DNAH12: variants seen among roughly 807,000 people sequenced by gnomAD.
The protein encoded by DNAH12 is dynein axonemal heavy chain 12.
In DNAH12, 285 loss-of-function variants were observed where a neutral mutation model predicts 371.5. That is an observed-to-expected ratio of 0.77 (90% confidence interval 0.70 to 0.85). The LOEUF is 0.85. Ranked by LOEUF, DNAH12 falls within the 40% of genes least tolerant of loss-of-function variation. The probability of loss-of-function intolerance (pLI) is 0.00; values close to 1 mark genes in which losing one functional copy is unlikely to be tolerated. For synonymous variants in DNAH12, 1,200 were observed against 1,213.0 expected (o/e 0.99, Z 0.22); for missense variants, 3,611 against 3,689.4 (o/e 0.98, Z 0.55).
intron 4 of DNAH12, among the ~76,000 whole-genome samples, chr3:57,515,304 G>A (rs6768058): frequency 0.61 from 92,600 of 151,892 alleles, 29,122 homozygotes; most frequent in South Asian, 0.68. Context: ...GGCTAGAATA[G>A]AAAAAGTATA....
chr3:57,472,355 TACCAG>T (rs2066390776), intron 14 of DNAH12, among the ~76,000 whole-genome samples, 186 bp downstream of exon 14: 1 of 152,178 alleles, frequency 6.6e-6, no homozygotes, highest in African/African-American at 2.4e-5. Context: ...CCCCACTACT[TACCAG>T]ACCTTGTGAG....
At chr3:57,470,133 A>G (rs1413890410) in intron 16 of DNAH12, among the ~76,000 whole-genome samples, 1 of 152,128 alleles carries the variant, frequency 6.6e-6, no homozygotes, top group East Asian at 1.9e-4. Flanking sequence ...TATTATATAT[A>G]TATATTTTTC....
intron 50 of DNAH12, among the ~76,000 whole-genome samples, chr3:57,381,600 C>A (rs954099088): frequency 3.9e-5 from 6 of 151,998 alleles, no homozygotes; most frequent in Non-Finnish European, 7.4e-5. Flanking sequence ...TGAGTACCAT[C>A]TTTTTTTAAT....
At chr3:57,527,691 G>T (rs1274453128) in intron 2 of DNAH12, among the ~76,000 whole-genome samples, 4 of 152,150 alleles carry the variant, frequency 2.6e-5, no homozygotes, top group African/African-American at 4.8e-5. Flanking sequence ...CTCCAATACT[G>T]AGGAATACAA....
At chr3:57,543,752 A>G (rs539809337) in intron 1 of DNAH12, among the ~76,000 whole-genome samples, 5 of 151,528 alleles carry the variant, frequency 3.3e-5, no homozygotes, top group African/African-American at 1.2e-4. Context: ...AAATGCTCAA[A>G]AATTTTACTG....
At chr3:57,327,382 A>C (rs1041684928) in intron 62 of DNAH12, among the ~76,000 whole-genome samples, 1 of 152,086 alleles carries the variant, frequency 6.6e-6, no homozygotes, top group Non-Finnish European at 1.5e-5. Context: ...GTGCAATCAA[A>C]CTAGAACTCA....
intron 55 of DNAH12, among the ~76,000 whole-genome samples, chr3:57,372,552 A>G (rs1201638685): frequency 1.3e-5 from 2 of 152,128 alleles, no homozygotes; most frequent in African/African-American, 2.4e-5. Context: ...AGTGAAATAT[A>G]TAACAGCACA....
chr3:57,514,423 A>C (rs1468388823), intron 4 of DNAH12, among the ~76,000 whole-genome samples: 1 of 151,664 alleles, frequency 6.6e-6, no homozygotes, highest in Non-Finnish European at 1.5e-5. Context: ...ATAAATAAAC[A>C]AAAAAAAGCA....
chr3:57,512,935 A>C (rs2068050655), intron 4 of DNAH12, among the ~76,000 whole-genome samples: 1 of 152,028 alleles, frequency 6.6e-6, no homozygotes, highest in African/African-American at 2.4e-5. Context: ...TCAGGAGTTC[A>C]AGACCAGCCT....
chr3:57,538,104 T>A (rs10866009), intron 2 of DNAH12, among the ~76,000 whole-genome samples: 1 of 151,876 alleles, frequency 6.6e-6, no homozygotes. Context: ...ATAAAGTTAG[T>A]TTTCAAAGAA....
chr3:57,368,596 T>C (rs1010498873), intron 55 of DNAH12, among the ~76,000 whole-genome samples: 9 of 152,196 alleles, frequency 5.9e-5, no homozygotes, highest in Non-Finnish European at 1.0e-4. Context: ...GTAACTTTAA[T>C]ACACGACATC....
intron 43 of DNAH12, among the ~76,000 whole-genome samples, chr3:57,398,048 T>G (rs1411465795): frequency 6.6e-6 from 1 of 151,966 alleles, no homozygotes; most frequent in African/African-American, 2.4e-5. Flanking sequence ...CAGAGCTAAA[T>G]CAGGAAAACA....
intron 16 of DNAH12, 89 bp downstream of exon 16, chr3:57,470,354 T>G (rs1030140460): frequency 1.5e-6 from 2 of 1,297,640 alleles, no homozygotes; most frequent in African/African-American, 1.5e-5. Context: ...ATCCTACTTT[T>G]AAACACTTAA....
In DNAH12 at chr3:57,350,521, CAT is replaced by C. The variant is rs753123719; in HGVS notation, c.9674+1562_9674+1563del. Among the ~76,000 whole-genome samples the C allele has an allele frequency of 5.3e-4, 81 of 152,140 alleles. 1 individual carries two copies. Among genetic ancestry groups the C allele is most frequent in the Non-Finnish European group, 1.1e-3 (74 of 68,020 alleles). Reference sequence around the variant, plus strand: ...GACATTTCCTTAGACCACACACACACATCAGTTGCATGTGGCTTGTACATCTA... The same window carrying C: ...GACATTTCCTTAGACCACACACACACCAGTTGCATGTGGCTTGTACATCTA... On this transcript the variant is annotated intron_variant, in intron 60 of 73. Transcript: ENST00000495027.
chr3:57,380,243 G>T (rs1328976947), intron 51 of DNAH12, 35 bp downstream of exon 51: 1 of 151,972 alleles, frequency 6.6e-6, no homozygotes, highest in Non-Finnish European at 1.5e-5. Context: ...TTTTAGCCAA[G>T]TCACATTTGT....
At chr3:57,542,467 A>T (rs1336503936) in intron 2 of DNAH12, among the ~76,000 whole-genome samples, 2 of 152,192 alleles carry the variant, frequency 1.3e-5, no homozygotes, top group Admixed American at 1.3e-4. Flanking sequence ...TAACAATAGT[A>T]CCTACCTTAT....
intron 45 of DNAH12, among the ~76,000 whole-genome samples, chr3:57,390,308 G>T (rs1254358838): frequency 7.2e-6 from 1 of 138,516 alleles, no homozygotes; most frequent in Non-Finnish European, 1.6e-5. Context: ...AGCTACTCTG[G>T]AGGCTGAGGT....
At chr3:57,555,757 G>A in the DNAH12 span, among the ~76,000 whole-genome samples, 1 of 152,210 alleles carries the variant, frequency 6.6e-6, no homozygotes, top group Non-Finnish European at 1.5e-5. Context: ...ATTGTATATC[G>A]TTCGTTGTTA....
intron 11 of DNAH12, chr3:57,493,600 G>T (rs1222895671): frequency 6.6e-6 from 1 of 151,854 alleles, no homozygotes; most frequent in Non-Finnish European, 1.5e-5. Flanking sequence ...ACCAAATAAG[G>T]TAAAAAGTAT....
Sources: gnomAD v4.1 joint callset for allele counts (sites outside exome capture counted in the v4.1 genomes callset) on GRCh38, gnomAD v4.1.1 for gene constraint, MANE v1.5 for transcripts, NCBI Gene and HGNC (gene_info 2026-07-23, HGNC 2026-07-21) for gene names.